Variants in CTNNA3 observed in about 807,000 individuals in gnomAD.
The protein encoded by CTNNA3 is catenin alpha 3.
In CTNNA3, 76 loss-of-function variants were observed where a neutral mutation model predicts 95.7. The ratio of observed to expected loss-of-function variants is 0.79; its 90% CI spans 0.66 to 0.96. The LOEUF (loss-of-function observed/expected upper bound fraction) is 0.96. CTNNA3 is among the 40% of genes least tolerant of loss of function. CTNNA3 has a pLI of 0.00. For missense variants in CTNNA3, 1,191 were observed against 1,089.8 expected (o/e 1.09, Z -1.31); for synonymous variants, 431 against 374.4 (o/e 1.15, Z -1.74).
intron 6 of CTNNA3, among the ~76,000 whole-genome samples, chr10:67,203,531 G>GAT (rs1219086276): frequency 6.6e-6 from 1 of 152,094 alleles, no homozygotes; most frequent in Non-Finnish European, 1.5e-5. Flanking sequence ...AGATCCATTG[G>GAT]ATATCTAAGC....
intron 7 of CTNNA3, among the ~76,000 whole-genome samples, chr10:66,777,575 G>A (rs538712714): frequency 9.2e-5 from 14 of 152,196 alleles, no homozygotes; most frequent in African/African-American, 3.4e-4. Flanking sequence ...GCTAACTCAT[G>A]ACTATACAGG....
chr10:65,961,790 T>A (rs979184979), intron 17 of CTNNA3, among the ~76,000 whole-genome samples: 1 of 151,928 alleles, frequency 6.6e-6, no homozygotes, highest in Non-Finnish European at 1.5e-5. Context: ...GAAAGGGACC[T>A]TCTGGAAGGT....
chr10:67,256,730 A>G (rs576017889), intron 5 of CTNNA3, among the ~76,000 whole-genome samples: 65 of 152,294 alleles, frequency 4.3e-4, no homozygotes, highest in African/African-American at 1.5e-3. Context: ...ACAGAACACA[A>G]CATAAAATAT....
rs188373524 is a variant in CTNNA3, at chr10:67,726,525, T to A, written c.-2+36909A>T. 0.04 allele frequency among the ~76,000 whole-genome samples: 2,904 copies of A among 72,384 alleles called. 287 individuals are homozygous for A. In the East Asian group the frequency reaches 0.41, roughly 10 times the overall value. 47.5% of individuals were successfully genotyped at this position (72,384 alleles called of 152,430 possible). Reference sequence around the variant, plus strand: ...TAATATATTATATATTATATTATATTATATATATTATTATATATTACATAT... The same window carrying A: ...TAATATATTATATATTATATTATATAATATATATTATTATATATTACATAT... On this transcript the variant is annotated intron_variant, in intron 1 of 17. Coordinates refer to the CTNNA3 transcript ENST00000684154.
chr10:66,750,796 G>T (rs553981170), intron 9 of CTNNA3, among the ~76,000 whole-genome samples: 4 of 152,284 alleles, frequency 2.6e-5, no homozygotes, highest in Admixed American at 2.6e-4. Flanking sequence ...CTATAAAGTT[G>T]TGAAGAAGTG....
At chr10:66,059,832 G>T (rs984426701) in intron 15 of CTNNA3, among the ~76,000 whole-genome samples, 2 of 152,066 alleles carry the variant, frequency 1.3e-5, no homozygotes, top group Non-Finnish European at 2.9e-5. Context: ...ATTTCATGAG[G>T]ATAGGGATGT....
At chr10:65,932,193 C>T (rs146780553) in intron 17 of CTNNA3, among the ~76,000 whole-genome samples, 7 of 152,162 alleles carry the variant, frequency 4.6e-5, no homozygotes, top group East Asian at 1.9e-4. Context: ...GGAAAACCAA[C>T]GACATCTACC....
chr10:66,880,442 A>G (rs1394408377), intron 7 of CTNNA3, among the ~76,000 whole-genome samples: 1 of 152,052 alleles, frequency 6.6e-6, no homozygotes, highest in Non-Finnish European at 1.5e-5. Context: ...CAAAAACTAG[A>G]CTTGTGTATG....
intron 1 of CTNNA3, among the ~76,000 whole-genome samples, chr10:67,727,848 T>C (rs1450711538): frequency 1.5e-5 from 2 of 130,002 alleles, no homozygotes; most frequent in Non-Finnish European, 3.1e-5. Context: ...ATAGTATATA[T>C]CATATATTAT....
intron 15 of CTNNA3, among the ~76,000 whole-genome samples, chr10:66,052,468 T>C (rs1430364706): frequency 1.3e-5 from 2 of 152,104 alleles, no homozygotes; most frequent in Admixed American, 6.6e-5. Flanking sequence ...TTAGAGAAAG[T>C]AAAAGAAATG....
chr10:65,945,767 T>C (rs1319893456), intron 17 of CTNNA3, among the ~76,000 whole-genome samples: 1 of 152,178 alleles, frequency 6.6e-6, no homozygotes, highest in Admixed American at 6.5e-5. Flanking sequence ...TGGGACCTTC[T>C]TCATTGGTTT....
At position 67,474,434 on chromosome 10, in the gene CTNNA3, CTG is replaced by C. The variant is rs1297731624; in HGVS notation, c.579+47406_579+47407del. 3.3e-5 allele frequency among the ~76,000 whole-genome samples: 5 copies of C among 152,200 alleles called. No homozygotes were observed. The East Asian group carries it at 9.6e-4, about 29-fold the overall frequency. On this transcript the variant is annotated intron_variant, in intron 5 of 17. Transcript: ENST00000433211. ...ATGTGAGGATACAGCTAAAAGGTGA[CTG>C]TGTGCAAGCTAAGGCTTTGGAAGAA...
chr10:67,105,235 T>TGATAGATAAATAGATAGATA, intron 7 of CTNNA3, among the ~76,000 whole-genome samples: 1 of 150,634 alleles, frequency 6.6e-6, no homozygotes, highest in Non-Finnish European at 1.5e-5. Context: ...ACATATTAAA[T>TGATAGATAAATAGATAGATA]GATAGATAGA....
chr10:66,765,009 A>G (rs1016800968), intron 9 of CTNNA3, among the ~76,000 whole-genome samples: 3 of 152,160 alleles, frequency 2.0e-5, no homozygotes, highest in African/African-American at 4.8e-5. Flanking sequence ...GGCCAATTGA[A>G]ATTGTAACAC....
At chr10:66,568,791 G>C (rs1842785404) in intron 10 of CTNNA3, among the ~76,000 whole-genome samples, 1 of 151,654 alleles carries the variant, frequency 6.6e-6, no homozygotes, top group African/African-American at 2.4e-5. Flanking sequence ...GGAATCCTAG[G>C]AATAGTAAAC....
At chr10:67,175,711 A>G (rs1411384630) in intron 7 of CTNNA3, among the ~76,000 whole-genome samples, 1 of 152,112 alleles carries the variant, frequency 6.6e-6, no homozygotes, top group South Asian at 2.1e-4. Flanking sequence ...TATTAACTTT[A>G]CTAATAATTA....
chr10:66,298,575 GC>G (rs1413094152), intron 12 of CTNNA3, among the ~76,000 whole-genome samples: 2 of 151,960 alleles, frequency 1.3e-5, no homozygotes, highest in Non-Finnish European at 2.9e-5. Context: ...CTTTCTTCCA[GC>G]CCTGAATTTT....
intron 9 of CTNNA3, among the ~76,000 whole-genome samples, chr10:66,622,253 A>G (rs1465612244): frequency 6.6e-6 from 1 of 152,174 alleles, no homozygotes; most frequent in African/African-American, 2.4e-5. Context: ...TGCATCAAAT[A>G]TACTACAAAG....
chr10:66,358,353 A>G (rs536335998), intron 12 of CTNNA3, among the ~76,000 whole-genome samples: 9 of 152,088 alleles, frequency 5.9e-5, no homozygotes, highest in Non-Finnish European at 1.3e-4. Context: ...AAATATGGGG[A>G]AAAAAAGGGG....
Sources: gnomAD v4.1 joint callset for allele counts (sites outside exome capture counted in the v4.1 genomes callset) on GRCh38, gnomAD v4.1.1 for gene constraint, MANE v1.5 for transcripts, NCBI Gene and HGNC (gene_info 2026-07-23, HGNC 2026-07-21) for gene names.